SPRED1: variants seen among roughly 807,000 people sequenced by gnomAD.
SPRED1 encodes the protein sprouty-related, EVH1 domain-containing protein 1.
In SPRED1, 18 loss-of-function variants were observed where a neutral mutation model predicts 52.3. The ratio of observed to expected loss-of-function variants is 0.34; its 90% CI spans 0.24 to 0.51. The LOEUF (loss-of-function observed/expected upper bound fraction) is 0.51, where lower values mean the gene tolerates loss of function less well. Ranked by LOEUF, SPRED1 falls within the 20% of genes least tolerant of loss-of-function variation. SPRED1 has a pLI of 0.97. For missense variants in SPRED1, 485 were observed against 551.0 expected, an observed-to-expected ratio of 0.88 and a Z score of 1.20; for synonymous variants, 155 against 179.7, an observed-to-expected ratio of 0.86 and a Z score of 1.10.
chr15:38,340,031 C>A, intron 5 of SPRED1, 136 bp downstream of exon 5: 1 of 1,130,934 alleles, frequency 8.8e-7, no homozygotes, highest in Non-Finnish European at 1.3e-6. Flanking sequence ...ACAAACAAAA[C>A]CAGGAGAATT....
At chr15:38,348,315 A>G (rs2141013987) in intron 5 of SPRED1, among the ~76,000 whole-genome samples, 1 of 152,072 alleles carries the variant, frequency 6.6e-6, no homozygotes, top group South Asian at 2.1e-4. Flanking sequence ...GTTAATTTCT[A>G]AATTCTTACA....
chr15:38,268,745 G>A (rs1894364145), intron 1 of SPRED1, among the ~76,000 whole-genome samples: 1 of 152,040 alleles, frequency 6.6e-6, no homozygotes, highest in South Asian at 2.1e-4. Context: ...TTTTTCACAG[G>A]TTGTGTTAAA....
intron 1 of SPRED1, among the ~76,000 whole-genome samples, chr15:38,277,364 G>A (rs1478747155): frequency 2.0e-5 from 3 of 152,144 alleles, no homozygotes; most frequent in Admixed American, 6.5e-5. Context: ...GAGAACATGA[G>A]ATATTTGGTT....
chr15:38,278,785 T>C (rs1247034214), intron 1 of SPRED1, among the ~76,000 whole-genome samples: 1 of 151,670 alleles, frequency 6.6e-6, no homozygotes, highest in Non-Finnish European at 1.5e-5. Flanking sequence ...AAAAAGTCTG[T>C]ACATGTTCAG....
At chr15:38,278,070 A>G (rs949350147) in intron 1 of SPRED1, among the ~76,000 whole-genome samples, 8 of 152,316 alleles carry the variant, frequency 5.3e-5, no homozygotes, top group Middle Eastern at 3.4e-3. Context: ...ATAAATGAAA[A>G]CAGGTAAGAA....
chr15:38,309,234 G>A (rs781213072), intron 2 of SPRED1, among the ~76,000 whole-genome samples: 1 of 151,984 alleles, frequency 6.6e-6, no homozygotes, highest in Non-Finnish European at 1.5e-5. Flanking sequence ...TCTGCCTCCC[G>A]GGTTCAAACG....
Position 38,299,595 on chromosome 15 carries a change from T to C in SPRED1, c.207+48T>C, listed in dbSNP as rs772058262. The C allele has an allele frequency of 1.9e-6, 3 of 1,558,530 alleles. No individual in the cohort carries two copies. In the African/African-American group the frequency reaches 4.1e-5, roughly 21 times the overall value. ...CTATAATTTTAGATAATGAATTATC[T>C]GTTTAAAGTTATGATTAGTATACTG... On this transcript the variant is annotated intron_variant, in intron 2 of 6. Transcript: ENST00000299084.
chr15:38,306,685 T>A (rs1895255663), intron 2 of SPRED1, among the ~76,000 whole-genome samples: 1 of 152,188 alleles, frequency 6.6e-6, no homozygotes, highest in African/African-American at 2.4e-5. Flanking sequence ...TTCTGTTCTC[T>A]TTCCCCGGAG....
intron 1 of SPRED1, 34 bp downstream of exon 1, chr15:38,253,251 C>G: frequency 6.4e-7 from 1 of 1,557,552 alleles, no homozygotes; most frequent in South Asian, 1.2e-5. Context: ...TGCTAATCCC[C>G]CTCCCCCTAT....
rs571282012 is a variant in SPRED1, at chr15:38,309,533, A to T, written c.207+9986A>T. Among the ~76,000 whole-genome samples, 4 of 152,356 alleles carry T rather than the reference A, an allele frequency of 2.6e-5. No individual in the cohort carries two copies. The East Asian group carries it at 7.7e-4, about 29-fold the overall frequency. ...ACGTGGTTTGAAAATGTTCTCTCCCAGTCTGTAGCTTGTCTTTTCATCTTC... is the reference window on the plus strand; with the variant it reads ...ACGTGGTTTGAAAATGTTCTCTCCCTGTCTGTAGCTTGTCTTTTCATCTTC... On this transcript the variant is annotated intron_variant, in intron 2 of 6. Transcript: ENST00000299084.
At chr15:38,276,073 C>G (rs181393697) in intron 1 of SPRED1, among the ~76,000 whole-genome samples, 1 of 152,140 alleles carries the variant, frequency 6.6e-6, no homozygotes, top group Non-Finnish European at 1.5e-5. Context: ...ATAATAGATA[C>G]AGTTATTTCA....
At chr15:38,342,111 T>C (rs1219403778) in intron 5 of SPRED1, among the ~76,000 whole-genome samples, 2 of 151,492 alleles carry the variant, frequency 1.3e-5, no homozygotes, top group South Asian at 2.1e-4. Context: ...ATTATTGATA[T>C]AAATCTACCA....
At chr15:38,255,279 AT>A (rs899402374) in intron 1 of SPRED1, among the ~76,000 whole-genome samples, 3 of 151,600 alleles carry the variant, frequency 2.0e-5, no homozygotes, top group Admixed American at 6.6e-5. Flanking sequence ...TGCTTTAAAT[AT>A]TTTTTTTTCA....
intron 1 of SPRED1, among the ~76,000 whole-genome samples, chr15:38,256,431 G>A (rs1327258093): frequency 6.6e-6 from 1 of 152,060 alleles, no homozygotes; most frequent in East Asian, 1.9e-4. Context: ...TTGTCCTTTG[G>A]TATTGAGTGT....
intron 1 of SPRED1, among the ~76,000 whole-genome samples, chr15:38,274,811 A>G (rs1894512965): frequency 6.6e-6 from 1 of 152,342 alleles, no homozygotes; most frequent in South Asian, 2.1e-4. Flanking sequence ...GGAATTTTGT[A>G]GAATGTTCCT....
At chr15:38,275,796 G>A (rs373160173) in intron 1 of SPRED1, among the ~76,000 whole-genome samples, 17 of 152,122 alleles carry the variant, frequency 1.1e-4, no homozygotes, top group South Asian at 2.1e-4. Flanking sequence ...GCACCCCGCC[G>A]CTGGTGGTGT....
chr15:38,274,878 A>T lies in SPRED1; in HGVS notation c.32+21661A>T, dbSNP rs376781247. Among the ~76,000 whole-genome samples, 180 of 152,366 alleles carry T rather than the reference A, an allele frequency of 1.2e-3. 1 individual carries two copies. The highest frequency in any genetic ancestry group is 2.5e-3 in the African/African-American group (103 of 41,594). On this transcript the variant is annotated intron_variant, in intron 1 of 6. Transcript: ENST00000299084. ...CTATAGAGTGATGGTATCCTTGTGCATCAGTTCAACAGGTGGATGGTGTTG... is the reference window on the plus strand; with the variant it reads ...CTATAGAGTGATGGTATCCTTGTGCTTCAGTTCAACAGGTGGATGGTGTTG...
intron 2 of SPRED1, among the ~76,000 whole-genome samples, chr15:38,308,119 A>G (rs983032921): frequency 1.3e-4 from 20 of 151,928 alleles, no homozygotes; most frequent in African/African-American, 4.8e-4. Context: ...TATGTTCTCC[A>G]CCTCCCCAGA....
In SPRED1 at chr15:38,350,702, T is replaced by G. The variant is rs1888463944; in HGVS notation, c.685-312T>G. 2.0e-5 allele frequency among the ~76,000 whole-genome samples: 3 copies of G among 152,182 alleles called. No individual in the cohort carries two copies. In the South Asian group the frequency reaches 6.2e-4, roughly 32 times the overall value. ...CAGATCCAAAACAGGGTAGGCTGTCTGGAGACCCAAGAAATAGTTGTAGTC... is the reference window on the plus strand; with the variant it reads ...CAGATCCAAAACAGGGTAGGCTGTCGGGAGACCCAAGAAATAGTTGTAGTC... On this transcript the variant is annotated intron_variant, in intron 6 of 6. Transcript: ENST00000299084.
Sources: gnomAD v4.1 joint callset for allele counts (sites outside exome capture counted in the v4.1 genomes callset) on GRCh38, gnomAD v4.1.1 for gene constraint, MANE v1.5 for transcripts, NCBI Gene and HGNC (gene_info 2026-07-23, HGNC 2026-07-21) for gene names.